USH2A: variants seen among roughly 807,000 people sequenced by gnomAD.
USH2A encodes usherin, also known as Usher syndrome 2A (autosomal recessive, mild).
USH2A carries 443 observed loss-of-function variants against 538.9 expected under a neutral mutation model. The ratio of observed to expected loss-of-function variants is 0.82; its 90% CI spans 0.76 to 0.89. The LOEUF (loss-of-function observed/expected upper bound fraction) is 0.89, where lower values mean the gene tolerates loss of function less well. Among genes scored for constraint, USH2A ranks in the 40% least tolerant of loss-of-function variants. USH2A has a pLI of 0.00. For synonymous variants in USH2A, 2,413 were observed against 2,273.5 expected, an observed-to-expected ratio of 1.06 and a Z score of -1.75; for missense variants, 6,633 against 6,324.8, an observed-to-expected ratio of 1.05 and a Z score of -1.65.
chr1:216,217,288 G>T, intron 15 of USH2A, 99 bp downstream of exon 15: 1 of 1,478,488 alleles, frequency 6.8e-7, no homozygotes, highest in Non-Finnish European at 9.3e-7. Context: ...ATTGTACTAA[G>T]CCTTTCTGAT....
chr1:216,304,911 T>C (rs2037285394), intron 9 of USH2A, among the ~76,000 whole-genome samples: 3 of 152,120 alleles, frequency 2.0e-5, no homozygotes, highest in Admixed American at 2.0e-4. Context: ...TTCTTAAATG[T>C]ATTGAGACTT....
intron 4 of USH2A, among the ~76,000 whole-genome samples, chr1:216,351,476 A>G (rs2038287174): frequency 6.6e-6 from 1 of 152,198 alleles, no homozygotes; most frequent in East Asian, 1.9e-4. Flanking sequence ...AAAGAGGCCA[A>G]TTTGTGTAAA....
At chr1:215,695,423 T>C (rs767247836) in intron 61 of USH2A, among the ~76,000 whole-genome samples, 14 of 152,150 alleles carry the variant, frequency 9.2e-5, no homozygotes, top group Non-Finnish European at 1.8e-4. Context: ...CCACAGAATC[T>C]AAAAATAAAC....
At chr1:215,652,820 G>GT (rs1164087731) in intron 64 of USH2A, among the ~76,000 whole-genome samples, 2 of 152,180 alleles carry the variant, frequency 1.3e-5, no homozygotes, top group Non-Finnish European at 2.9e-5. Context: ...TTGATATGAC[G>GT]TTTTTTGCCA....
intron 5 of USH2A, among the ~76,000 whole-genome samples, chr1:216,326,729 G>A (rs1156353096): frequency 6.6e-6 from 1 of 152,106 alleles, no homozygotes; most frequent in Non-Finnish European, 1.5e-5. Flanking sequence ...GATCTGCCAT[G>A]GACTAAGAAC....
At chr1:216,392,675 G>A (rs1337418795) in intron 3 of USH2A, among the ~76,000 whole-genome samples, 1 of 151,668 alleles carries the variant, frequency 6.6e-6, no homozygotes, top group East Asian at 1.9e-4. Context: ...AAAAAAAAGT[G>A]AGCAGACAAA....
chr1:215,748,429 T>C lies in USH2A; in HGVS notation c.11390-5094A>G, dbSNP rs142261920. ...GATAAGTTGTATAATATATTATTTT[T>C]TGGATGAAGACAAACACTGGAATAC... On this transcript the variant is annotated intron_variant, in intron 58 of 71. Coordinates refer to ENST00000307340, the MANE Select transcript of USH2A (RefSeq NM_206933.4). 8.2e-4 allele frequency among the ~76,000 whole-genome samples: 125 copies of C among 152,360 alleles called. No individual in the cohort carries two copies. The East Asian group carries it at 0.018, about 22-fold the overall frequency.
intron 4 of USH2A, among the ~76,000 whole-genome samples, chr1:216,336,749 C>T (rs970935241): frequency 1.3e-5 from 2 of 151,286 alleles, no homozygotes; most frequent in African/African-American, 2.4e-5. Context: ...TATCATGCAC[C>T]TTATGTAAAA....
At position 215,677,633 on chromosome 1, in the gene USH2A, A is replaced by C. The variant is rs75424464; in HGVS notation, c.12295-2017T>G. Among the ~76,000 whole-genome samples, 9 of 152,194 alleles carry C rather than the reference A, an allele frequency of 5.9e-5. No homozygotes were observed. The East Asian group carries it at 1.7e-3, about 29-fold the overall frequency. ...CTTCTGCTCTCAGCAACATTTTGGC[A>C]TATTTTCTCTTCTCTTTTTGGACAC... is the stretch of plus-strand genomic sequence containing the variant. On this transcript the variant is annotated intron_variant, in intron 62 of 71. Coordinates refer to ENST00000307340, the MANE Select transcript of USH2A (RefSeq NM_206933.4).
chr1:216,109,947 T>G (rs971185981), intron 21 of USH2A, among the ~76,000 whole-genome samples: 1 of 152,194 alleles, frequency 6.6e-6, no homozygotes, highest in African/African-American at 2.4e-5. Context: ...TATTTTTTCT[T>G]GTAAATTCTG....
intron 36 of USH2A, among the ~76,000 whole-genome samples, chr1:215,965,735 A>G (rs1168901850): frequency 6.6e-6 from 1 of 152,140 alleles, no homozygotes; most frequent in Non-Finnish European, 1.5e-5. Context: ...ATCTGCTCAC[A>G]CTGTGACTGT....
intron 13 of USH2A, among the ~76,000 whole-genome samples, chr1:216,237,940 A>G (rs942638300): frequency 6.6e-6 from 1 of 152,212 alleles, no homozygotes; most frequent in African/African-American, 2.4e-5. Context: ...TGTGAAAAAC[A>G]TGTTAACCTA....
intron 49 of USH2A, among the ~76,000 whole-genome samples, chr1:215,802,411 C>A (rs980309055): frequency 1.3e-4 from 19 of 151,948 alleles, no homozygotes; most frequent in Admixed American, 1.2e-3. Flanking sequence ...TTCTATAACT[C>A]AAAAACATGA....
rs145719886 is a variant in USH2A, at chr1:215,674,421, A to T, written c.13490T>A (p.Phe4497Tyr). ...YTGLETRYRD[F>Y]TLTPGVEYSY... ...ATACTCCACACCTGGGGTGAGAGTA[A>T]AATCACGATAGCGTGTTTCCAAGCC... The change falls in exon 63 of 72, where the codon TTT becomes TAT. Residue 4497 changes from phenylalanine (F) to tyrosine (Y), a missense_variant. Transcript: ENST00000307340. The T allele has an allele frequency of 1.5e-5, 24 of 1,613,980 alleles. No homozygotes were observed. In the African/African-American group the frequency reaches 2.3e-4, roughly 15 times the overall value.
At chr1:215,900,542 T>C (rs1665465803) in intron 39 of USH2A, among the ~76,000 whole-genome samples, 1 of 152,204 alleles carries the variant, frequency 6.6e-6, no homozygotes, top group South Asian at 2.1e-4. Flanking sequence ...TCATGAAAAG[T>C]TTCAGTGGGA....
At chr1:215,696,906 G>C (rs1658828385) in intron 61 of USH2A, among the ~76,000 whole-genome samples, 1 of 152,044 alleles carries the variant, frequency 6.6e-6, no homozygotes, top group African/African-American at 2.4e-5. Flanking sequence ...CTCAGTGAGA[G>C]GATGCCGTGG....
At chr1:215,755,319 T>C (rs1660757366) in intron 58 of USH2A, among the ~76,000 whole-genome samples, 2 of 152,200 alleles carry the variant, frequency 1.3e-5, no homozygotes, top group Non-Finnish European at 2.9e-5. Flanking sequence ...GTCTGTGATG[T>C]AGTCATTTTG....
At chr1:215,867,219 A>C in intron 43 of USH2A, 49 bp from the exon 44 acceptor site, 1 of 1,574,794 alleles carries the variant, frequency 6.4e-7, no homozygotes, top group Admixed American at 1.7e-5. Flanking sequence ...TACTTTACAG[A>C]AAATCTAACA....
Position 216,070,310 on chromosome 1 carries a change from A to T in USH2A, c.5858-18T>A. ...TTGTGGAGCTGTGAAGGAATAAAAG[A>T]GAAAATAGGGAAAATGGCAGTTCTG... On this transcript the variant is annotated intron_variant, in intron 29 of 71. Transcript: ENST00000307340. 1 of 1,613,206 alleles carries T rather than the reference A, an allele frequency of 6.2e-7. No individual in the cohort carries two copies. The highest frequency in any genetic ancestry group is 1.1e-5 in the South Asian group (1 of 91,050).
Sources: gnomAD v4.1 joint callset for allele counts (sites outside exome capture counted in the v4.1 genomes callset) on GRCh38, gnomAD v4.1.1 for gene constraint, MANE v1.5 for transcripts, NCBI Gene and HGNC (gene_info 2026-07-23, HGNC 2026-07-21) for gene names.